The following CDK5RAP2 variants were observed in gnomAD, a reference collection of about 807,000 sequenced individuals.
The protein encoded by CDK5RAP2 is CDK5 regulatory subunit-associated protein 2.
In CDK5RAP2, 147 loss-of-function variants were observed where a neutral mutation model predicts 232.9. The ratio of observed to expected loss-of-function variants is 0.63; its 90% CI spans 0.55 to 0.72. The LOEUF is 0.72. CDK5RAP2 is among the 30% of genes least tolerant of loss of function. CDK5RAP2 has a pLI of 0.00. For synonymous variants in CDK5RAP2, 833 were observed against 833.7 expected, an observed-to-expected ratio of 1.00 and a Z score of 0.01; for missense variants, 2,195 against 2,231.5, an observed-to-expected ratio of 0.98 and a Z score of 0.33.
At chr9:120,544,966 C>A (rs557993604) in intron 5 of CDK5RAP2, among the ~76,000 whole-genome samples, 1 of 152,224 alleles carries the variant, frequency 6.6e-6, no homozygotes, top group South Asian at 2.1e-4. Flanking sequence ...TAAATGTTTA[C>A]GAATGAGTGA....
At position 120,492,667 on chromosome 9, in the gene CDK5RAP2, A is replaced by G. The variant is rs141807565; in HGVS notation, c.1312-1190T>C. On this transcript the variant is annotated intron_variant, in intron 12 of 37. Coordinates refer to ENST00000349780, the MANE Select transcript of CDK5RAP2 (RefSeq NM_018249.6). ...GAAGCAGAATAATTTGTACATCCCT[A>G]GTGGGATATTTCTCTAAGTACAAAA... 1.3e-3 allele frequency among the ~76,000 whole-genome samples: 200 copies of G among 152,304 alleles called. 5 individuals carry two copies. In the East Asian group the frequency reaches 0.034, roughly 26 times the overall value.
intron 25 of CDK5RAP2, among the ~76,000 whole-genome samples, chr9:120,424,051 C>T (rs905751068): frequency 8.5e-5 from 13 of 152,284 alleles, no homozygotes; most frequent in African/African-American, 2.2e-4. Flanking sequence ...GGCACCAGGG[C>T]CTGAGTATGG....
intron 7 of CDK5RAP2, among the ~76,000 whole-genome samples, chr9:120,534,474 G>A (rs752567471): frequency 1.3e-5 from 2 of 152,162 alleles, no homozygotes; most frequent in Non-Finnish European, 2.9e-5. Flanking sequence ...CCACCCTGCT[G>A]GATGATAAGC....
chr9:120,470,279 C>G, intron 16 of CDK5RAP2, 59 bp from the exon 17 acceptor site: 7 of 806,562 alleles, frequency 8.7e-6, no homozygotes, highest in African/African-American at 1.8e-5. Context: ...ATATCAGAAA[C>G]AGATCCTCCC....
At chr9:120,479,516 C>T (rs1166109121) in intron 14 of CDK5RAP2, among the ~76,000 whole-genome samples, 1 of 152,136 alleles carries the variant, frequency 6.6e-6, no homozygotes, top group Non-Finnish European at 1.5e-5. Flanking sequence ...AGTAATGGGG[C>T]AAATCCAACT....
intron 25 of CDK5RAP2, among the ~76,000 whole-genome samples, chr9:120,430,778 C>G (rs1296860763): frequency 6.6e-6 from 1 of 151,770 alleles, no homozygotes; most frequent in South Asian, 2.1e-4. Flanking sequence ...ACCCAAAGGA[C>G]TATAAATCAT....
At chr9:120,410,582 C>T (rs532555589) in intron 29 of CDK5RAP2, among the ~76,000 whole-genome samples, 32 of 152,242 alleles carry the variant, frequency 2.1e-4, no homozygotes, top group African/African-American at 7.5e-4. Flanking sequence ...GATGAAATCT[C>T]ATCCGTTTCT....
intron 23 of CDK5RAP2, 136 bp from the exon 24 acceptor site, chr9:120,440,108 T>C: frequency 2.7e-6 from 2 of 733,574 alleles, no homozygotes; most frequent in South Asian, 1.6e-5. Flanking sequence ...TAGTATTTCC[T>C]AACACACTTC....
At chr9:120,433,767 C>G (rs2035417237) in intron 25 of CDK5RAP2, among the ~76,000 whole-genome samples, 1 of 152,164 alleles carries the variant, frequency 6.6e-6, no homozygotes, top group Non-Finnish European at 1.5e-5. Flanking sequence ...GTCCAGAGAC[C>G]TGATTTAAAA....
intron 20 of CDK5RAP2, 113 bp from the exon 21 acceptor site, chr9:120,453,986 T>A: frequency 2.8e-6 from 3 of 1,082,238 alleles, no homozygotes; most frequent in Non-Finnish European, 4.2e-6. Context: ...CCATCAAAAC[T>A]AAATACAGTG....
intron 14 of CDK5RAP2, among the ~76,000 whole-genome samples, chr9:120,477,759 C>T (rs2038095172): frequency 6.6e-6 from 1 of 152,226 alleles, no homozygotes. Flanking sequence ...CTCAGAGCTG[C>T]TGTTCATCGT....
chr9:120,514,398 A>G (rs2040230566), intron 12 of CDK5RAP2, among the ~76,000 whole-genome samples: 1 of 152,182 alleles, frequency 6.6e-6, no homozygotes, highest in African/African-American at 2.4e-5. Context: ...CCTTCTGCCA[A>G]GGCACAATAA....
chr9:120,527,981 C>T, intron 9 of CDK5RAP2, 56 bp from the exon 10 acceptor site: 8 of 1,602,070 alleles, frequency 5.0e-6, no homozygotes, highest in East Asian at 4.5e-5. Flanking sequence ...CAAAATGCAC[C>T]ATAAATATAT....
At chr9:120,443,503 A>G in intron 23 of CDK5RAP2, 117 bp downstream of exon 23, 1 of 1,175,970 alleles carries the variant, frequency 8.5e-7, no homozygotes, top group Non-Finnish European at 1.3e-6. Flanking sequence ...TTAGACTGGA[A>G]TGATAATAAT....
At position 120,461,533 on chromosome 9, in the gene CDK5RAP2, A is replaced by T. The variant is rs562655739; in HGVS notation, c.2107-866T>A. Among the ~76,000 whole-genome samples the T allele has an allele frequency of 2.0e-5, 3 of 152,236 alleles. 1 individual carries two copies. The highest frequency in any genetic ancestry group is 7.2e-5 in the African/African-American group (3 of 41,544). On this transcript the variant is annotated intron_variant, in intron 18 of 37. Coordinates refer to ENST00000349780, the MANE Select transcript of CDK5RAP2 (RefSeq NM_018249.6). ...CAAAGCTATGTCAAAATTATACCAAACCTTATCTGACCAATAAAAGAGTCT... is the reference window on the plus strand; with the variant it reads ...CAAAGCTATGTCAAAATTATACCAATCCTTATCTGACCAATAAAAGAGTCT...
intron 34 of CDK5RAP2, 126 bp from the exon 35 acceptor site, chr9:120,401,011 G>T: frequency 1.0e-6 from 1 of 961,488 alleles, no homozygotes. Flanking sequence ...CGAAAGCCTG[G>T]TACCACATAA....
chr9:120,501,611 G>C (rs939678758), intron 12 of CDK5RAP2, among the ~76,000 whole-genome samples: 9 of 152,074 alleles, frequency 5.9e-5, no homozygotes, highest in African/African-American at 2.2e-4. Flanking sequence ...ATTGAATCTG[G>C]GCAGCATAGC....
intron 4 of CDK5RAP2, among the ~76,000 whole-genome samples, chr9:120,547,379 G>A (rs954880455): frequency 3.3e-5 from 5 of 151,890 alleles, no homozygotes; most frequent in East Asian, 1.9e-4. Flanking sequence ...TGAGGTGGGC[G>A]GATCACTTGA....
chr9:120,400,192 C>G (rs2032876044), intron 35 of CDK5RAP2, among the ~76,000 whole-genome samples: 1 of 152,168 alleles, frequency 6.6e-6, no homozygotes, highest in Non-Finnish European at 1.5e-5. Flanking sequence ...ACACAGAAAT[C>G]AGAGGACAGC....
Sources: allele counts gnomAD v4.1 joint callset (sites outside exome capture counted in the v4.1 genomes callset), GRCh38; gene constraint gnomAD v4.1.1; transcripts MANE v1.5; gene names NCBI Gene and HGNC (gene_info 2026-07-23, HGNC 2026-07-21).